The following OSBPL8 variants were observed in gnomAD, a reference collection of about 807,000 sequenced individuals.
OSBPL8 encodes oxysterol-binding protein-related protein 8.
OSBPL8 carries 59 observed loss-of-function variants against 125.5 expected under a neutral mutation model. The observed-to-expected ratio is 0.47, with a 90% CI of 0.38 to 0.58. The LOEUF is 0.58. Among genes scored for constraint, OSBPL8 ranks in the 20% least tolerant of loss-of-function variants. OSBPL8 has a pLI of 0.00. For missense variants in OSBPL8, 758 were observed against 1,047.8 expected, an observed-to-expected ratio of 0.72 and a Z score of 3.82; for synonymous variants, 330 against 338.9, an observed-to-expected ratio of 0.97 and a Z score of 0.29.
intron 2 of OSBPL8, among the ~76,000 whole-genome samples, chr12:76,472,890 C>T (rs981388722): frequency 5.3e-5 from 8 of 152,096 alleles, no homozygotes; most frequent in African/African-American, 1.9e-4. Context: ...TCAGGCCCTC[C>T]ACAAGAGGTG....
intron 4 of OSBPL8, among the ~76,000 whole-genome samples, chr12:76,417,242 T>G (rs1418461310): frequency 6.6e-6 from 1 of 152,232 alleles, no homozygotes; most frequent in Non-Finnish European, 1.5e-5. Context: ...ACCTGTAGCT[T>G]CTACTGTTTC....
intron 3 of OSBPL8, among the ~76,000 whole-genome samples, chr12:76,452,149 G>A (rs1296040810): frequency 6.6e-6 from 1 of 151,724 alleles, no homozygotes; most frequent in Non-Finnish European, 1.5e-5. Context: ...CTCCACCATA[G>A]GTTTTATTTT....
At chr12:76,476,680 C>T (rs61357239) in intron 2 of OSBPL8, among the ~76,000 whole-genome samples, 2,269 of 151,998 alleles carry the variant, frequency 0.015, 46 homozygotes, top group African/African-American at 0.048. Flanking sequence ...ATAAGAGATG[C>T]AAAAGGAAGG....
rs554168940 is a variant in OSBPL8, at chr12:76,358,048, A to G, written c.2434+658T>C. Among the ~76,000 whole-genome samples the G allele has an allele frequency of 3.4e-4, 52 of 152,294 alleles. No homozygotes were observed. The South Asian group carries it at 0.011, about 31-fold the overall frequency. ...TACAGTAATTTATTCTGGAAATGAA[A>G]AACATTTTTGAAGCATGGAACTGAG... On this transcript the variant is annotated intron_variant, in intron 22 of 23. Transcript: ENST00000261183.
At chr12:76,451,364 T>C (rs910878597) in intron 3 of OSBPL8, among the ~76,000 whole-genome samples, 1 of 151,874 alleles carries the variant, frequency 6.6e-6, no homozygotes, top group Admixed American at 6.5e-5. Flanking sequence ...AAATCGTCGA[T>C]AAACATATAA....
At chr12:76,497,772 T>C (rs530576088) in intron 1 of OSBPL8, among the ~76,000 whole-genome samples, 3 of 152,330 alleles carry the variant, frequency 2.0e-5, no homozygotes, top group South Asian at 2.1e-4. Flanking sequence ...AAAAGAAGTA[T>C]AGCTAAGACA....
intron 1 of OSBPL8, among the ~76,000 whole-genome samples, chr12:76,505,873 T>C (rs1035618835): frequency 6.6e-6 from 1 of 152,206 alleles, no homozygotes; most frequent in African/African-American, 2.4e-5. Flanking sequence ...TTAATTTTTT[T>C]ACTCTGAATG....
chr12:76,458,145 G>A (rs12831225), intron 3 of OSBPL8, among the ~76,000 whole-genome samples: 30,963 of 151,862 alleles, frequency 0.2, 3,399 homozygotes, highest in Non-Finnish European at 0.26. Flanking sequence ...CTGGGCACAC[G>A]CTTGTAGTCC....
chr12:76,371,717 T>C, intron 18 of OSBPL8, 133 bp from the exon 19 acceptor site: 1 of 821,286 alleles, frequency 1.2e-6, no homozygotes, highest in Non-Finnish European at 1.6e-6. Flanking sequence ...CAAATATAAC[T>C]AGCACTTTTC....
chr12:76,507,371 T>C (rs967437867), intron 1 of OSBPL8, among the ~76,000 whole-genome samples: 2 of 151,820 alleles, frequency 1.3e-5, no homozygotes, highest in African/African-American at 4.9e-5. Flanking sequence ...AAAATAATGA[T>C]TGAATATTGA....
At position 76,502,144 on chromosome 12, in the gene OSBPL8, C is replaced by T. The variant is rs577673335; in HGVS notation, c.-67-14526G>A. On this transcript the variant is annotated intron_variant, in intron 1 of 23. Coordinates refer to ENST00000261183, the MANE Select transcript of OSBPL8 (RefSeq NM_020841.5). ...ATGGAGCAATTCATACATGGATCGC[C>T]AGAAGGCTGTATATGCTCTGGGTCA... Among the ~76,000 whole-genome samples the T allele has an allele frequency of 1.9e-4, 29 of 152,276 alleles. No homozygotes were observed. The South Asian group carries it at 6.0e-3, about 32-fold the overall frequency.
intron 10 of OSBPL8, among the ~76,000 whole-genome samples, chr12:76,392,377 T>C (rs1268212786): frequency 6.6e-6 from 1 of 151,794 alleles, no homozygotes; most frequent in Non-Finnish European, 1.5e-5. Context: ...ATAAAGTAAA[T>C]CACGTTGGCT....
chr12:76,513,178 G>T (rs920998337), intron 1 of OSBPL8, among the ~76,000 whole-genome samples: 1 of 152,164 alleles, frequency 6.6e-6, no homozygotes, highest in Non-Finnish European at 1.5e-5. Context: ...TATGATTTTG[G>T]TTCGTTTGCA....
At chr12:76,485,640 T>C (rs1878047325) in intron 2 of OSBPL8, among the ~76,000 whole-genome samples, 1 of 152,208 alleles carries the variant, frequency 6.6e-6, no homozygotes, top group Non-Finnish European at 1.5e-5. Flanking sequence ...ACAACAAATT[T>C]TAAGACACTT....
intron 1 of OSBPL8, among the ~76,000 whole-genome samples, chr12:76,528,438 T>G (rs193221997): frequency 6.6e-6 from 1 of 152,202 alleles, no homozygotes; most frequent in East Asian, 1.9e-4. Context: ...TAGTTTTGAT[T>G]ACCAGAATTT....
intron 1 of OSBPL8, among the ~76,000 whole-genome samples, chr12:76,501,075 T>C (rs1284366460): frequency 3.3e-5 from 5 of 150,964 alleles, no homozygotes; most frequent in African/African-American, 7.3e-5. Flanking sequence ...TATTGAGTAA[T>C]TGTATGTGTG....
intron 4 of OSBPL8, among the ~76,000 whole-genome samples, chr12:76,432,731 C>CA (rs1870991802): frequency 6.6e-6 from 1 of 151,834 alleles, no homozygotes; most frequent in Non-Finnish European, 1.5e-5. Flanking sequence ...AAAAACAATA[C>CA]AAAAAGGAGT....
intron 1 of OSBPL8, among the ~76,000 whole-genome samples, chr12:76,548,888 G>A (rs928417529): frequency 1.3e-5 from 2 of 152,030 alleles, no homozygotes; most frequent in Admixed American, 6.6e-5. Context: ...CATGAAAAAA[G>A]AATGATTACA....
chr12:76,447,944 T>C (rs1872911717), intron 4 of OSBPL8, among the ~76,000 whole-genome samples: 1 of 152,164 alleles, frequency 6.6e-6, no homozygotes, highest in Admixed American at 6.5e-5. Context: ...CCAAATAAGA[T>C]GTATGGACTT....
Sources: allele counts gnomAD v4.1 joint callset (sites outside exome capture counted in the v4.1 genomes callset), GRCh38; gene constraint gnomAD v4.1.1; transcripts MANE v1.5; gene names NCBI Gene and HGNC (gene_info 2026-07-23, HGNC 2026-07-21).